Variants in TENM3 observed in about 807,000 individuals in gnomAD.
The protein encoded by TENM3 is teneurin-3.
Under a neutral mutation model 255.1 loss-of-function variants are expected in TENM3, and 63 were observed. The ratio of observed to expected loss-of-function variants is 0.25; its 90% CI spans 0.20 to 0.30. The LOEUF (loss-of-function observed/expected upper bound fraction) is 0.30, where lower values mean the gene tolerates loss of function less well. Among genes scored for constraint, TENM3 ranks in the 10% least tolerant of loss-of-function variants. The pLI, the probability that TENM3 is intolerant of heterozygous loss-of-function variation, is 1.00. For missense variants in TENM3, 2,929 were observed against 3,461.1 expected (o/e 0.85, Z 3.86); for synonymous variants, 1,306 against 1,322.3 (o/e 0.99, Z 0.27).
At chr4:182,662,472 GA>G (rs1410468672) in intron 6 of TENM3, among the ~76,000 whole-genome samples, 1 of 152,132 alleles carries the variant, frequency 6.6e-6, no homozygotes, top group African/African-American at 2.4e-5. Flanking sequence ...TTTGAGTTTA[GA>G]ATAACTACAG....
At chr4:182,615,850 A>G (rs1304969094) in intron 4 of TENM3, among the ~76,000 whole-genome samples, 1 of 152,246 alleles carries the variant, frequency 6.6e-6, no homozygotes, top group Non-Finnish European at 1.5e-5. Context: ...ACTCGAAGTA[A>G]GCTACCAGCA....
chr4:182,210,857 G>C (rs917113875), intron 1 of TENM3, among the ~76,000 whole-genome samples: 1 of 152,030 alleles, frequency 6.6e-6, no homozygotes, highest in African/African-American at 2.4e-5. Flanking sequence ...CCCTCTCTCC[G>C]TAGACCGGTG....
intron 4 of TENM3, among the ~76,000 whole-genome samples, chr4:182,606,624 T>C (rs1748467485): frequency 6.6e-6 from 1 of 152,100 alleles, no homozygotes; most frequent in Non-Finnish European, 1.5e-5. Flanking sequence ...CATTACAGTT[T>C]GGGTTTCCAA....
chr4:182,572,942 A>G (rs907839568), intron 3 of TENM3, among the ~76,000 whole-genome samples: 3 of 152,180 alleles, frequency 2.0e-5, no homozygotes, highest in Non-Finnish European at 4.4e-5. Flanking sequence ...AGAGAGCTTC[A>G]TATAGTTCAT....
At chr4:182,784,328 G>C (rs1349625060) in intron 24 of TENM3, among the ~76,000 whole-genome samples, 2 of 151,884 alleles carry the variant, frequency 1.3e-5, no homozygotes, top group Non-Finnish European at 2.9e-5. Flanking sequence ...AGGTGTCAGT[G>C]TGCCCCTGCT....
At chr4:182,013,986 ACG>A in the TENM3 span, among the ~76,000 whole-genome samples, 95 of 112,820 alleles carry the variant, frequency 8.4e-4, 7 homozygotes, top group East Asian at 5.9e-3. Context: ...ACGTGTATAT[ACG>A]TATATACACA....
chr4:182,561,140 T>C (rs1743125252), intron 3 of TENM3, among the ~76,000 whole-genome samples: 1 of 152,016 alleles, frequency 6.6e-6, no homozygotes, highest in Non-Finnish European at 1.5e-5. Flanking sequence ...TTATAATTAA[T>C]AATTGAAAAA....
At chr4:182,255,197 T>G (rs1428826479) in intron 1 of TENM3, among the ~76,000 whole-genome samples, 1 of 152,172 alleles carries the variant, frequency 6.6e-6, no homozygotes, top group African/African-American at 2.4e-5. Context: ...CCCTTGCACA[T>G]GTTAGACAGA....
the TENM3 span, among the ~76,000 whole-genome samples, chr4:181,919,968 G>A: frequency 6.9e-6 from 1 of 144,138 alleles, no homozygotes; most frequent in Non-Finnish European, 1.5e-5. Context: ...CCACCTATGA[G>A]TGAGAATATG....
chr4:181,599,930 C>T, the TENM3 span, among the ~76,000 whole-genome samples: 62,591 of 151,990 alleles, frequency 0.41, 13,152 homozygotes, highest in Admixed American at 0.44. Flanking sequence ...CTTACATTTA[C>T]CGGTGAGTTC....
chr4:182,182,186 G>T (rs564971204), intron 1 of TENM3, among the ~76,000 whole-genome samples: 2 of 152,218 alleles, frequency 1.3e-5, no homozygotes, highest in South Asian at 4.2e-4. Context: ...AAAGGGCGGG[G>T]TGTTTTCTGG....
At chr4:181,805,363 G>A in the TENM3 span, among the ~76,000 whole-genome samples, 2 of 151,964 alleles carry the variant, frequency 1.3e-5, no homozygotes, top group Non-Finnish European at 1.5e-5. Context: ...ACCTCCCTGC[G>A]GTGGAAGCCC....
intron 2 of TENM3, among the ~76,000 whole-genome samples, 160 bp from the exon 3 acceptor site, chr4:182,346,491 A>G (rs1580235982): frequency 6.6e-6 from 1 of 151,856 alleles, no homozygotes; most frequent in South Asian, 2.1e-4. Flanking sequence ...ACTTGATCCT[A>G]TGCCGTGTGA....
the TENM3 span, among the ~76,000 whole-genome samples, chr4:181,717,799 CCAATT>C: frequency 6.6e-6 from 1 of 152,084 alleles, no homozygotes; most frequent in Non-Finnish European, 1.5e-5. Context: ...GGCACAAAAA[CCAATT>C]CAATCGTATT....
At chr4:182,621,717 A>T (rs9685249) in intron 4 of TENM3, among the ~76,000 whole-genome samples, 3 of 101,366 alleles carry the variant, frequency 3.0e-5, no homozygotes, top group Non-Finnish European at 5.5e-5. Flanking sequence ...TATATAATAT[A>T]TATTATATAT....
chr4:182,422,993 C>T (rs879542593), intron 3 of TENM3, among the ~76,000 whole-genome samples: 1 of 152,136 alleles, frequency 6.6e-6, no homozygotes, highest in Non-Finnish European at 1.5e-5. Context: ...AATGACACTG[C>T]CTCAACAACT....
the TENM3 span, among the ~76,000 whole-genome samples, chr4:181,832,513 G>C: frequency 1.7e-4 from 26 of 152,094 alleles, no homozygotes; most frequent in Non-Finnish European, 3.2e-4. Context: ...AATCCTCTTA[G>C]CTCTCTCCAC....
chr4:181,677,506 C>T, the TENM3 span, among the ~76,000 whole-genome samples: 7,952 of 152,178 alleles, frequency 0.052, 280 homozygotes, highest in Middle Eastern at 0.13. Context: ...CCACTTATCA[C>T]CATGTCCAAT....
chr4:182,260,472 A>G (rs926930965), intron 1 of TENM3, among the ~76,000 whole-genome samples: 1 of 152,186 alleles, frequency 6.6e-6, no homozygotes, highest in Non-Finnish European at 1.5e-5. Context: ...AACTCCACAT[A>G]GCCAACTTAA....
Sources: allele counts gnomAD v4.1 joint callset (sites outside exome capture counted in the v4.1 genomes callset), GRCh38; gene constraint gnomAD v4.1.1; transcripts MANE v1.5; gene names NCBI Gene and HGNC (gene_info 2026-07-23, HGNC 2026-07-21).